The following GK variants were observed in gnomAD, a reference collection of about 807,000 sequenced individuals.
GK encodes the protein glycerol kinase.
In GK, 9 loss-of-function variants were observed where a neutral mutation model predicts 56.4. That is an observed-to-expected ratio of 0.16 (90% CI 0.10 to 0.28). GK has a LOEUF of 0.28. GK is among the 10% of genes least tolerant of loss of function. The pLI, the probability that GK is intolerant of heterozygous loss-of-function variation, is 1.00. For missense variants in GK, 161 were observed against 431.4 expected (o/e 0.37, Z 5.55); for synonymous variants, 104 against 144.1 (o/e 0.72, Z 1.99).
chrX:30,686,120 T>C (rs1319823847), intron 4 of GK, among the ~76,000 whole-genome samples: 2 of 112,625 alleles, frequency 1.8e-5, no homozygotes, highest in East Asian at 5.5e-4. Context: ...AGAGCTGAAA[T>C]TGGCTTCAGC....
rs144409441 is a variant in GK at position 30,720,917 on chromosome X, G to A, written c.1423G>A (p.Val475Ile). ...AAMAAGAAEG[V>I]GVWSLEPEDL... ...TATGGCGGCAGGGGCTGCAGAAGGA[G>A]TCGGCGTATGGAGTCTCGAACCCGA... Residue 475 changes from valine to isoleucine, a missense_variant, in exon 18 of 21, where the codon GTC (valine) becomes ATC (isoleucine). Val to Ile is a conservative substitution (Grantham distance 29). Transcript: ENST00000427190. 8.8e-5 allele frequency: 106 copies of A among 1,209,779 alleles called. No individual in the cohort carries two copies. The highest frequency in any genetic ancestry group is 1.2e-4 in the Non-Finnish European group (104 of 894,729).
intron 1 of GK, among the ~76,000 whole-genome samples, chrX:30,657,472 C>G (rs1601861692): frequency 8.9e-6 from 1 of 112,434 alleles, no homozygotes; most frequent in Non-Finnish European, 1.9e-5. Context: ...AAAGTTTCAG[C>G]TTAAACAATC....
At chrX:30,690,443 C>T (rs1934870004) in intron 4 of GK, among the ~76,000 whole-genome samples, 1 of 111,700 alleles carries the variant, frequency 9.0e-6, no homozygotes, top group South Asian at 3.7e-4. Flanking sequence ...AAATCGTTTC[C>T]ACCAGGGGGT....
At chrX:30,654,545 C>T (rs1394966566) in intron 1 of GK, among the ~76,000 whole-genome samples, 2 of 110,596 alleles carry the variant, frequency 1.8e-5, no homozygotes, top group Non-Finnish European at 3.8e-5. Flanking sequence ...GAGTTCGAGA[C>T]CAGCCTGGCC....
At position 30,662,809 on chromosome X, in the gene GK, T is replaced by TTCTCTCTCTCTCTC. The variant is rs368743449; in HGVS notation, c.79-2690_79-2677dup. Among the ~76,000 whole-genome samples the TTCTCTCTCTCTCTC allele has an allele frequency of 2.7e-4, 17 of 62,277 alleles. 1 individual carries two copies. The highest frequency in any genetic ancestry group is 5.0e-4 in the Non-Finnish European group (17 of 34,217). The allele number at this position is 62,277 out of a possible 115,157, so 54.1% of individuals were successfully genotyped here. On this transcript the variant is annotated intron_variant, in intron 1 of 20. Transcript: ENST00000427190. Reference sequence around the variant, plus strand: ...TCTCTTTCTTTCCTTCCTTCCTTCCTTCTCTCTCTCTCTCTCTCTCTCTCT... The same window carrying TTCTCTCTCTCTCTC: ...TCTCTTTCTTTCCTTCCTTCCTTCCTTCTCTCTCTCTCTCTCTCTCTCTCTCTCTCTCTCTCTCT...
chrX:30,719,936 C>A, intron 15 of GK, 75 bp from the exon 16 acceptor site: 1 of 705,813 alleles, frequency 1.4e-6, no homozygotes, highest in Non-Finnish European at 2.3e-6. Context: ...CAAATTTGAC[C>A]TTTTCATATT....
At chrX:30,670,996 CA>C (rs1391395092) in intron 3 of GK, among the ~76,000 whole-genome samples, 3 of 104,124 alleles carry the variant, frequency 2.9e-5, no homozygotes, top group Non-Finnish European at 5.9e-5. Flanking sequence ...AAAACAAAAC[CA>C]ACAAAAAAGG....
chrX:30,653,633 T>C lies in GK; in HGVS notation c.78+18T>C. 1 of 1,178,102 alleles carries C rather than the reference T, an allele frequency of 8.5e-7. No homozygotes were observed. The highest frequency in any genetic ancestry group is 1.2e-6 in the Non-Finnish European group (1 of 865,404). On this transcript the variant is annotated intron_variant, in intron 1 of 20. Coordinates refer to ENST00000427190, the MANE Select transcript of GK (RefSeq NM_001205019.2). The stretch of plus-strand genomic sequence containing the variant: ...GCTTTTTGGTGAGCCCGGGGTGACA[T>C]GTGAAGAGGCGCTGAGCCGGGGCGG...
At chrX:30,704,572 G>A (rs1288814943) in intron 11 of GK, among the ~76,000 whole-genome samples, 1 of 106,985 alleles carries the variant, frequency 9.3e-6, no homozygotes, top group African/African-American at 3.5e-5. Context: ...GTCTTCGTTT[G>A]GTGACTTTTT....
At chrX:30,686,539 T>G (rs1934624764) in intron 4 of GK, among the ~76,000 whole-genome samples, 1 of 110,513 alleles carries the variant, frequency 9.0e-6, no homozygotes, top group African/African-American at 3.3e-5. Context: ...TTTAGTGGGG[T>G]TTTTTTTTAC....
chrX:30,668,153 A>G, intron 3 of GK, 35 bp downstream of exon 3: 1 of 724,949 alleles, frequency 1.4e-6, no homozygotes, highest in Non-Finnish European at 2.2e-6. Context: ...ACATAATAAG[A>G]CTCTCTCAAT....
chrX:30,676,932 C>T (rs1933946599), intron 3 of GK, among the ~76,000 whole-genome samples: 3 of 110,583 alleles, frequency 2.7e-5, no homozygotes, highest in African/African-American at 1.0e-4. Flanking sequence ...AAAATGTAGG[C>T]ATGTACATGT....
At chrX:30,692,210 C>T (rs1934975415) in intron 5 of GK, among the ~76,000 whole-genome samples, 2 of 111,339 alleles carry the variant, frequency 1.8e-5, no homozygotes, top group African/African-American at 6.5e-5. Context: ...CCCACAATAA[C>T]TTCAGACTTG....
chrX:30,722,211 T>A (rs2147266658), intron 18 of GK, among the ~76,000 whole-genome samples: 1 of 112,733 alleles, frequency 8.9e-6, no homozygotes, highest in South Asian at 3.6e-4. Flanking sequence ...TATAAGAAAA[T>A]GAATTATAAT....
chrX:30,709,751 A>G (rs1041881156), intron 13 of GK, among the ~76,000 whole-genome samples: 3 of 110,947 alleles, frequency 2.7e-5, no homozygotes, highest in Admixed American at 9.6e-5. Context: ...AATAATTAAT[A>G]TTAATTTAGA....
chrX:30,664,975 G>A (rs1932975811), intron 1 of GK, among the ~76,000 whole-genome samples: 1 of 110,789 alleles, frequency 9.0e-6, no homozygotes, highest in Admixed American at 9.7e-5. Context: ...AAAGTGCTGG[G>A]ATTAAAGATG....
chrX:30,673,442 G>C (rs1291343314), intron 3 of GK, among the ~76,000 whole-genome samples: 1 of 112,100 alleles, frequency 8.9e-6, no homozygotes, highest in Non-Finnish European at 1.9e-5. Flanking sequence ...TTAGCAGTTG[G>C]CAACGTTTTC....
chrX:30,704,590 T>G (rs1393902599), intron 11 of GK, among the ~76,000 whole-genome samples: 2 of 108,537 alleles, frequency 1.8e-5, no homozygotes, highest in African/African-American at 6.7e-5. Flanking sequence ...TTTTTTTTTT[T>G]GAGATGGAGT....
chrX:30,710,592 C>G (rs1936271070), intron 13 of GK, among the ~76,000 whole-genome samples: 1 of 111,362 alleles, frequency 9.0e-6, no homozygotes, highest in Non-Finnish European at 1.9e-5. Flanking sequence ...TAAATGCTTA[C>G]AAAGTATATA....
Sources: gnomAD v4.1 joint callset for allele counts (sites outside exome capture counted in the v4.1 genomes callset) on GRCh38, gnomAD v4.1.1 for gene constraint, MANE v1.5 for transcripts, NCBI Gene and HGNC (gene_info 2026-07-23, HGNC 2026-07-21) for gene names.